The following DGKI variants were observed in gnomAD, a reference collection of about 807,000 sequenced individuals.
DGKI encodes the protein DAG kinase iota.
Under a neutral mutation model 147.5 loss-of-function variants are expected in DGKI, and 55 were observed. The ratio of observed to expected loss-of-function variants is 0.37; its 90% CI spans 0.30 to 0.47. DGKI has a LOEUF of 0.47. Among genes scored for constraint, DGKI ranks in the 20% least tolerant of loss-of-function variants. DGKI has a pLI of 1.00. For missense variants in DGKI, 1,007 were observed against 1,323.8 expected (o/e 0.76, Z 3.71); for synonymous variants, 469 against 477.1 (o/e 0.98, Z 0.22).
chr7:137,790,156 C>A (rs910139118), intron 1 of DGKI, among the ~76,000 whole-genome samples: 1 of 151,218 alleles, frequency 6.6e-6, no homozygotes, highest in African/African-American at 2.4e-5. Context: ...AAACAGCCAG[C>A]GAGATCTGGT....
At chr7:137,629,915 A>G (rs975220879) in intron 6 of DGKI, among the ~76,000 whole-genome samples, 3 of 152,160 alleles carry the variant, frequency 2.0e-5, no homozygotes, top group African/African-American at 7.2e-5. Flanking sequence ...GACTTTGCAA[A>G]ACTAGGGTTT....
intron 20 of DGKI, among the ~76,000 whole-genome samples, chr7:137,543,385 T>A (rs778239814): frequency 2.6e-5 from 4 of 152,210 alleles, no homozygotes; most frequent in Non-Finnish European, 5.9e-5. Context: ...TTGTCATATA[T>A]GGTCAAAACA....
At position 137,511,174 on chromosome 7, in the gene DGKI, T is replaced by C. The variant is rs564812401; in HGVS notation, c.2248+10692A>G. Among the ~76,000 whole-genome samples, 22 of 152,328 alleles carry C rather than the reference T, an allele frequency of 1.4e-4. 1 individual carries two copies. In the South Asian group the frequency reaches 4.6e-3, roughly 32 times the overall value. On this transcript the variant is annotated intron_variant, in intron 21 of 32. Transcript: ENST00000614521. ...ATTCTGTTTAGTTCAATCAATGAAT[T>C]GCTCTTATTAGCAAAGGCTACATTT...
intron 20 of DGKI, among the ~76,000 whole-genome samples, chr7:137,541,874 A>G (rs922140581): frequency 2.1e-4 from 32 of 152,152 alleles, no homozygotes; most frequent in Admixed American, 3.9e-4. Context: ...TACCAAAACC[A>G]CAACTCTATA....
intron 1 of DGKI, among the ~76,000 whole-genome samples, chr7:137,697,074 C>T (rs1048010753): frequency 4.6e-5 from 7 of 152,070 alleles, no homozygotes; most frequent in Non-Finnish European, 5.9e-5. Flanking sequence ...CCAACCCTGC[C>T]GACATTTTGA....
intron 19 of DGKI, among the ~76,000 whole-genome samples, chr7:137,559,750 T>G (rs1199485532): frequency 6.6e-6 from 1 of 152,080 alleles, no homozygotes; most frequent in African/African-American, 2.4e-5. Flanking sequence ...CTGTCCAGTT[T>G]CATAGCTGTT....
chr7:137,504,217 G>A (rs1434193034), intron 21 of DGKI, among the ~76,000 whole-genome samples: 1 of 152,202 alleles, frequency 6.6e-6, no homozygotes, highest in Non-Finnish European at 1.5e-5. Flanking sequence ...AGATGTCATT[G>A]TGGAAATAAA....
chr7:137,753,122 C>T, intron 1 of DGKI, among the ~76,000 whole-genome samples: 1 of 152,166 alleles, frequency 6.6e-6, no homozygotes, highest in African/African-American at 2.4e-5. Flanking sequence ...ATAATCATCT[C>T]AACTTCTCCC....
chr7:137,413,265 CAAAAAAAAAA>C (rs35856159), intron 28 of DGKI, among the ~76,000 whole-genome samples: 1 of 92,630 alleles, frequency 1.1e-5, no homozygotes, highest in Admixed American at 1.2e-4. Context: ...GACTCCATCT[CAAAAAAAAAA>C]AAAAAAAAAA....
intron 20 of DGKI, among the ~76,000 whole-genome samples, chr7:137,535,916 T>C (rs1348293777): frequency 1.3e-5 from 2 of 152,102 alleles, no homozygotes; most frequent in African/African-American, 4.8e-5. Flanking sequence ...TCCTTACGAT[T>C]CTAAAAGACT....
chr7:137,634,990 CCTGGAGGGAAACAGGAGGT>C (rs1214360271), intron 6 of DGKI, among the ~76,000 whole-genome samples: 2 of 152,006 alleles, frequency 1.3e-5, no homozygotes, highest in African/African-American at 4.8e-5. Flanking sequence ...TGGCCAGGGC[CCTGGAGGGAAACAGGAGGT>C]CTAGGGAAGA....
intron 1 of DGKI, among the ~76,000 whole-genome samples, chr7:137,799,578 C>T (rs928633294): frequency 2.0e-5 from 3 of 152,110 alleles, no homozygotes; most frequent in Non-Finnish European, 4.4e-5. Flanking sequence ...AGTTATTCTG[C>T]CTAGAATTTA....
intron 21 of DGKI, among the ~76,000 whole-genome samples, chr7:137,502,038 G>A (rs1386734372): frequency 6.6e-6 from 1 of 152,178 alleles, no homozygotes; most frequent in Admixed American, 6.5e-5. Context: ...CACATAAGAT[G>A]TGACTTGCTC....
Position 137,496,200 on chromosome 7 carries a change from C to T in DGKI, c.2249-8511G>A, listed in dbSNP as rs189971222. On this transcript the variant is annotated intron_variant, in intron 21 of 32. Transcript: ENST00000614521. ...TGAGAACAAAATAAAAAACACAATC[C>T]TATTCACAATAGCCACAAACAAAAT... Among the ~76,000 whole-genome samples the T allele has an allele frequency of 6.0e-3, 917 of 152,132 alleles. 7 individuals carry two copies. Among genetic ancestry groups the T allele is most frequent in the Middle Eastern group, 0.027 (8 of 294 alleles).
intron 28 of DGKI, among the ~76,000 whole-genome samples, chr7:137,422,382 C>T (rs1274264654): frequency 2.0e-5 from 3 of 152,132 alleles, no homozygotes; most frequent in South Asian, 2.1e-4. Flanking sequence ...AAATTAATAT[C>T]ATCACCTTTG....
intron 24 of DGKI, among the ~76,000 whole-genome samples, chr7:137,467,219 C>A (rs747954434): frequency 2.0e-5 from 3 of 152,226 alleles, no homozygotes; most frequent in Non-Finnish European, 2.9e-5. Context: ...AAACCTTTCT[C>A]AGTCCCAACC....
At chr7:137,687,319 C>A (rs1267905441) in intron 2 of DGKI, among the ~76,000 whole-genome samples, 3 of 152,244 alleles carry the variant, frequency 2.0e-5, no homozygotes, top group South Asian at 2.1e-4. Flanking sequence ...AGGCTCCAAC[C>A]CTTTTCATTG....
intron 1 of DGKI, among the ~76,000 whole-genome samples, chr7:137,700,226 G>T (rs1823930055): frequency 1.3e-5 from 2 of 152,180 alleles, no homozygotes; most frequent in Non-Finnish European, 2.9e-5. Context: ...CATCCCAGAT[G>T]ATTCAGGTGA....
At chr7:137,831,425 A>G (rs1036609110) in intron 1 of DGKI, among the ~76,000 whole-genome samples, 1 of 152,234 alleles carries the variant, frequency 6.6e-6, no homozygotes, top group African/African-American at 2.4e-5. Flanking sequence ...GGCAGACGGC[A>G]AGGAGGAACT....
Sources: allele counts gnomAD v4.1 joint callset (sites outside exome capture counted in the v4.1 genomes callset), GRCh38; gene constraint gnomAD v4.1.1; transcripts MANE v1.5; gene names NCBI Gene and HGNC (gene_info 2026-07-23, HGNC 2026-07-21).